MTUS2: variants seen among roughly 807,000 people sequenced by gnomAD.
The protein encoded by MTUS2 is microtubule-associated tumor suppressor candidate 2.
Under a neutral mutation model 114.1 loss-of-function variants are expected in MTUS2, and 40 were observed. The observed-to-expected ratio is 0.35, with a 90% CI of 0.27 to 0.46. The LOEUF is 0.46. MTUS2 is among the 20% of genes least tolerant of loss of function. The pLI is 1.00. For synonymous variants in MTUS2, 688 were observed against 672.0 expected (o/e 1.02, Z -0.37); for missense variants, 1,679 against 1,705.4 (o/e 0.98, Z 0.27).
intron 8 of MTUS2, among the ~76,000 whole-genome samples, chr13:29,424,833 A>G (rs1566192770): frequency 6.6e-6 from 1 of 152,294 alleles, no homozygotes; most frequent in South Asian, 2.1e-4. Context: ...GCATGGCAGC[A>G]AAAGGAGAGG....
chr13:28,839,481 C>A (rs1234229538), intron 1 of MTUS2, among the ~76,000 whole-genome samples: 2 of 152,092 alleles, frequency 1.3e-5, no homozygotes, highest in Admixed American at 1.3e-4. Context: ...GTTTTCAGAT[C>A]ATTAACTACT....
At chr13:29,096,793 A>G (rs551745935) in intron 4 of MTUS2, among the ~76,000 whole-genome samples, 1 of 152,278 alleles carries the variant, frequency 6.6e-6, no homozygotes, top group Admixed American at 6.5e-5. Context: ...CCTGGTTTAT[A>G]AGCGAGGTGC....
chr13:28,954,752 G>A (rs1490403937), intron 2 of MTUS2, among the ~76,000 whole-genome samples: 1 of 152,192 alleles, frequency 6.6e-6, no homozygotes, highest in East Asian at 1.9e-4. Context: ...AGGAGAGAGG[G>A]GAATGATCAG....
At chr13:29,117,177 C>T (rs2138888358) in intron 5 of MTUS2, among the ~76,000 whole-genome samples, 1 of 152,334 alleles carries the variant, frequency 6.6e-6, no homozygotes, top group East Asian at 1.9e-4. Flanking sequence ...AGCTATTTTA[C>T]AATCCTTTCC....
chr13:29,102,704 T>C (rs749430618), intron 5 of MTUS2, among the ~76,000 whole-genome samples: 20 of 152,244 alleles, frequency 1.3e-4, no homozygotes, highest in Non-Finnish European at 2.5e-4. Context: ...ACTTCACCAA[T>C]AAATCACAGA....
At chr13:29,399,248 T>C (rs1387648384) in intron 8 of MTUS2, among the ~76,000 whole-genome samples, 1 of 152,118 alleles carries the variant, frequency 6.6e-6, no homozygotes, top group Non-Finnish European at 1.5e-5. Context: ...AAGGACACTC[T>C]CGTCTCTATC....
chr13:28,972,057 T>TG lies in MTUS2; in HGVS notation c.-242-52398dup, dbSNP rs202158927. On this transcript the variant is annotated intron_variant, in intron 2 of 15. Coordinates refer to ENST00000612955, the MANE Select transcript of MTUS2 (RefSeq NM_001033602.4). Reference sequence around the variant, plus strand: ...ACTTTCAAATTTCACAAGATATAGATGGCATTGAGTCTGGGGGTGTTAAAA... The same window carrying TG: ...ACTTTCAAATTTCACAAGATATAGATGGGCATTGAGTCTGGGGGTGTTAAAA... 4.7e-4 allele frequency among the ~76,000 whole-genome samples: 72 copies of TG among 152,354 alleles called. No homozygotes were observed. In the East Asian group the frequency reaches 0.013, roughly 28 times the overall value.
chr13:28,824,491 C>G (rs1451492088), intron 1 of MTUS2, among the ~76,000 whole-genome samples: 1 of 152,102 alleles, frequency 6.6e-6, no homozygotes, highest in Non-Finnish European at 1.5e-5. Flanking sequence ...GTCCTTGACC[C>G]TGCTTGAGCC....
At chr13:28,899,463 G>A (rs977838178) in intron 2 of MTUS2, among the ~76,000 whole-genome samples, 2 of 152,182 alleles carry the variant, frequency 1.3e-5, no homozygotes, top group African/African-American at 4.8e-5. Context: ...AGGCTGGAGT[G>A]CAGTGGCGTG....
At chr13:29,096,682 C>T (rs1264823664) in intron 4 of MTUS2, among the ~76,000 whole-genome samples, 1 of 152,206 alleles carries the variant, frequency 6.6e-6, no homozygotes, top group East Asian at 1.9e-4. Context: ...CTCTGGAGAT[C>T]TCTGTTCTTA....
At chr13:29,322,110 A>G (rs1900279468) in intron 6 of MTUS2, among the ~76,000 whole-genome samples, 1 of 152,242 alleles carries the variant, frequency 6.6e-6, no homozygotes, top group Non-Finnish European at 1.5e-5. Context: ...AAAACTATCA[A>G]TATTTGCATT....
chr13:29,346,707 G>A (rs181185599), intron 7 of MTUS2, among the ~76,000 whole-genome samples: 3 of 143,950 alleles, frequency 2.1e-5, no homozygotes, highest in East Asian at 2.0e-4. Flanking sequence ...TGCACAAATC[G>A]TTTCAAAGTT....
chr13:29,386,000 T>C (rs1593380690), intron 8 of MTUS2, among the ~76,000 whole-genome samples: 1 of 152,042 alleles, frequency 6.6e-6, no homozygotes, highest in East Asian at 1.9e-4. Flanking sequence ...CCTCAGTAAA[T>C]GTGGGAAAGA....
rs1899544174 is a variant in MTUS2, at chr13:29,307,762, G to A, written c.2807-16851G>A. The A allele has an allele frequency of 6.6e-6, 7 of 1,053,680 alleles. No homozygotes were observed. In the South Asian group the frequency reaches 7.5e-5, roughly 11 times the overall value. 65.3% of individuals were successfully genotyped at this position (1,053,680 alleles called of 1,614,324 possible). On this transcript the variant is annotated intron_variant, in intron 6 of 15. Coordinates refer to ENST00000612955, the MANE Select transcript of MTUS2 (RefSeq NM_001033602.4). ...CAGCAACAGGGTGATGGACCTCATGGCCCACATGTCCTCCAAGGAGTAAGA... is the reference window on the plus strand; with the variant it reads ...CAGCAACAGGGTGATGGACCTCATGACCCACATGTCCTCCAAGGAGTAAGA...
At chr13:29,430,266 T>C (rs1225849232) in intron 8 of MTUS2, among the ~76,000 whole-genome samples, 17 of 152,208 alleles carry the variant, frequency 1.1e-4, no homozygotes, top group Non-Finnish European at 1.5e-5. Flanking sequence ...GGCTGTAATA[T>C]GGAGGACTTT....
chr13:29,004,944 G>A (rs1245641130), intron 2 of MTUS2, among the ~76,000 whole-genome samples: 1 of 152,192 alleles, frequency 6.6e-6, no homozygotes, highest in Non-Finnish European at 1.5e-5. Flanking sequence ...GAGTGCAGTT[G>A]TCGAGTGCTT....
chr13:29,110,994 G>T (rs183123088), intron 5 of MTUS2, among the ~76,000 whole-genome samples: 1 of 152,266 alleles, frequency 6.6e-6, no homozygotes, highest in East Asian at 1.9e-4. Flanking sequence ...TAACCTCGCT[G>T]GACTAAGATT....
intron 4 of MTUS2, among the ~76,000 whole-genome samples, chr13:29,052,479 A>G (rs1348577685): frequency 1.3e-5 from 2 of 148,326 alleles, no homozygotes; most frequent in African/African-American, 2.5e-5. Context: ...AAAAAAAAAG[A>G]AAAGGAAAAG....
intron 2 of MTUS2, among the ~76,000 whole-genome samples, chr13:29,016,048 G>T (rs576727190): frequency 6.2e-4 from 95 of 152,026 alleles, no homozygotes; most frequent in African/African-American, 2.2e-3. Flanking sequence ...GGGATTACAG[G>T]TTTGCGCCAC....
Sources: gnomAD v4.1 joint callset for allele counts (sites outside exome capture counted in the v4.1 genomes callset) on GRCh38, gnomAD v4.1.1 for gene constraint, MANE v1.5 for transcripts, NCBI Gene and HGNC (gene_info 2026-07-23, HGNC 2026-07-21) for gene names.